Variants in PPM1B observed in about 807,000 individuals in gnomAD.
PPM1B encodes the protein protein phosphatase 1B.
In PPM1B, 22 loss-of-function variants were observed where a neutral mutation model predicts 43.0. The observed-to-expected ratio is 0.51, with a 90% CI of 0.37 to 0.73. The LOEUF is 0.73. Among genes scored for constraint, PPM1B ranks in the 30% least tolerant of loss-of-function variants. The pLI is 0.00. For synonymous variants in PPM1B, 217 were observed against 197.9 expected, an observed-to-expected ratio of 1.10 and a Z score of -0.81; for missense variants, 632 against 584.2, an observed-to-expected ratio of 1.08 and a Z score of -0.84.
At chr2:44,234,376 G>C, downstream of PPM1B, 1 of 491,712 alleles carries the variant, frequency 2.0e-6, no homozygotes, top group Non-Finnish European at 2.6e-6. Context: ...AAGATTAGCT[G>C]GGCATGGTGG....
At position 44,204,092 on chromosome 2, in the gene PPM1B, C is replaced by T. The variant is rs181568685; in HGVS notation, c.846+2047C>T. The stretch of plus-strand genomic sequence containing the variant: ...TCATTCAATGTTAATGGAAGCTGAC[C>T]ATCATAGTTCCTTCTAATGGAGCTG... On this transcript the variant is annotated intron_variant, in intron 2 of 5. Transcript: ENST00000282412. Among the ~76,000 whole-genome samples, 553 of 152,260 alleles carry T rather than the reference C, an allele frequency of 3.6e-3. 1 individual carries two copies. The highest frequency in any genetic ancestry group is 0.013 in the African/African-American group (526 of 41,538).
chr2:44,218,271 T>G (rs1669817766), intron 4 of PPM1B, among the ~76,000 whole-genome samples, 193 bp downstream of exon 4: 1 of 152,202 alleles, frequency 6.6e-6, no homozygotes, highest in South Asian at 2.1e-4. Context: ...TCATACTCTT[T>G]GAGTATGAAG....
intron 1 of PPM1B, among the ~76,000 whole-genome samples, chr2:44,169,778 C>T (rs954774174): frequency 6.6e-6 from 1 of 152,244 alleles, no homozygotes; most frequent in Admixed American, 6.5e-5. Context: ...CCCTCGCCTT[C>T]CCTCCTTAGT....
chr2:44,189,045 T>C (rs1259851117), intron 1 of PPM1B, among the ~76,000 whole-genome samples: 1 of 152,022 alleles, frequency 6.6e-6, no homozygotes, highest in Non-Finnish European at 1.5e-5. Context: ...AATCTTTTTG[T>C]ATTTTTTATG....
chr2:44,239,767 A>T (rs914793460), intron 5 of PPM1B, among the ~76,000 whole-genome samples: 1 of 152,160 alleles, frequency 6.6e-6, no homozygotes, highest in African/African-American at 2.4e-5. Flanking sequence ...TGAACTAAGG[A>T]ATCTTTATTT....
In PPM1B at chr2:44,179,041, A is replaced by T. The variant is rs548130213; in HGVS notation, c.-15+9767A>T. ...TCCCAGGTGTTCTGAGAGGGACCCC[A>T]TGGGAGGTAATTGAATCATGGGGAC... is the stretch of plus-strand genomic sequence containing the variant. On this transcript the variant is annotated intron_variant, in intron 1 of 5. Coordinates refer to ENST00000282412, the MANE Select transcript of PPM1B (RefSeq NM_002706.6). Among the ~76,000 whole-genome samples, 6 of 152,256 alleles carry T rather than the reference A, an allele frequency of 3.9e-5. 1 individual carries two copies. Among genetic ancestry groups the T allele is most frequent in the African/African-American group, 1.4e-4 (6 of 41,558 alleles).
intron 1 of PPM1B, among the ~76,000 whole-genome samples, chr2:44,172,613 A>G (rs1268101609): frequency 6.6e-6 from 1 of 152,224 alleles, no homozygotes; most frequent in African/African-American, 2.4e-5. Flanking sequence ...TGCTAAAGCC[A>G]TTTTAGAATC....
intron 5 of PPM1B, among the ~76,000 whole-genome samples, chr2:44,224,943 C>G (rs893232955): frequency 6.6e-6 from 1 of 152,104 alleles, no homozygotes; most frequent in Non-Finnish European, 1.5e-5. Flanking sequence ...GTATGAGGTA[C>G]TTCCTATGCA....
At chr2:44,226,515 G>A (rs186217950) in intron 5 of PPM1B, among the ~76,000 whole-genome samples, 1 of 152,140 alleles carries the variant, frequency 6.6e-6, no homozygotes, top group East Asian at 1.9e-4. Context: ...CTCAACCCTG[G>A]CTGTATATCA....
intron 5 of PPM1B, chr2:44,229,950 TA>T (rs1670395891): frequency 1.4e-6 from 2 of 1,473,040 alleles, no homozygotes; most frequent in Non-Finnish European, 1.8e-6. Flanking sequence ...AAAATCTGTT[TA>T]AATCTATATA....
intron 1 of PPM1B, among the ~76,000 whole-genome samples, chr2:44,190,280 G>C (rs1032871023): frequency 2.7e-5 from 4 of 150,882 alleles, no homozygotes; most frequent in African/African-American, 4.9e-5. Context: ...TCAGCCTCTC[G>C]AGTAGCTGGG....
At chr2:44,217,878 G>C (rs537297733) in intron 3 of PPM1B, 89 bp from the exon 4 acceptor site, 50 of 660,486 alleles carry the variant, frequency 7.6e-5, no homozygotes, top group African/African-American at 7.0e-4. Context: ...TTTTAAAATA[G>C]GTACTACCAA....
rs774221258 is a variant in PPM1B, at chr2:44,201,260, G to A, written c.61G>A (p.Gly21Ser). ...EKHNAHGAGN[G>S]LRYGLSSMQG... is the part of the protein sequence containing the mutation. The stretch of plus-strand genomic sequence containing the variant: ...ACATAATGCTCATGGTGCTGGGAAT[G>A]GTTTACGTTATGGCCTGAGCAGCAT... The change falls in exon 2 of 6, where the codon GGT (glycine) becomes AGT (serine). Residue 21 changes from glycine (G) to serine (S), a missense_variant. By Grantham distance (56) the Gly-to-Ser change is moderately conservative. This residue lies in a region of PPM1B where 200 missense variants were observed against 200.7 expected (regional missense o/e 1.00). Transcript: ENST00000282412. This position sits in a 1 kb window ranked among gnomAD's most constrained non-coding sequence, Gnocchi z 5.4. 5 of 1,613,808 alleles carry A rather than the reference G, an allele frequency of 3.1e-6. No individual in the cohort carries two copies. The highest frequency in any genetic ancestry group is 2.2e-5 in the South Asian group (2 of 91,056).
chr2:44,208,417 A>G (rs189847194), intron 2 of PPM1B, among the ~76,000 whole-genome samples: 156 of 152,108 alleles, frequency 1.0e-3, no homozygotes, highest in African/African-American at 2.9e-3. Flanking sequence ...AGTTTCTTGT[A>G]TTAATAGTTG....
chr2:44,198,217 G>A (rs1344284286), intron 1 of PPM1B, among the ~76,000 whole-genome samples: 1 of 152,126 alleles, frequency 6.6e-6, no homozygotes, highest in African/African-American at 2.4e-5. Flanking sequence ...CTAGAGTACA[G>A]TGGCACGATC....
chr2:44,229,988 T>C lies in PPM1B; in HGVS notation c.1135-425T>C, dbSNP rs749590087. 1.0e-5 allele frequency: 16 copies of C among 1,579,376 alleles called. No homozygotes were observed. The East Asian group carries it at 2.9e-4, about 29-fold the overall frequency. Reference sequence around the variant, plus strand: ...TTTTATGTTTTGTATTTCCTACTTATTTAGCAGAAATGATGAAGAAACTGT... The same window carrying C: ...TTTTATGTTTTGTATTTCCTACTTACTTAGCAGAAATGATGAAGAAACTGT... On this transcript the variant is annotated intron_variant, in intron 5 of 5. Coordinates refer to ENST00000282412, the MANE Select transcript of PPM1B (RefSeq NM_002706.6).
chr2:44,219,356 A>G (rs999035935), intron 5 of PPM1B, among the ~76,000 whole-genome samples: 1 of 151,944 alleles, frequency 6.6e-6, no homozygotes. Context: ...GGAAGAGTCC[A>G]CCTCCAGTCT....
At chr2:44,228,456 G>A (rs765741839) in intron 5 of PPM1B, among the ~76,000 whole-genome samples, 3 of 152,130 alleles carry the variant, frequency 2.0e-5, no homozygotes, top group African/African-American at 4.8e-5. Flanking sequence ...GCATACACGA[G>A]TCACTGCTCC....
intron 3 of PPM1B, among the ~76,000 whole-genome samples, chr2:44,210,480 A>G (rs1669409052): frequency 6.6e-6 from 1 of 152,178 alleles, no homozygotes; most frequent in South Asian, 2.1e-4. Flanking sequence ...TTGGCCTACC[A>G]AAGTGCTGGG....
Sources: allele counts gnomAD v4.1 joint callset (sites outside exome capture counted in the v4.1 genomes callset), GRCh38; gene constraint gnomAD v4.1.1; regional missense constraint gnomAD v4.1.1; non-coding constraint Gnocchi (gnomAD v3.1); transcripts MANE v1.5; gene names NCBI Gene and HGNC (gene_info 2026-07-23, HGNC 2026-07-21).